The following RYR1 variants were observed in gnomAD, a reference collection of about 807,000 sequenced individuals.
RYR1 encodes the protein ryanodine receptor 1.
A neutral mutation model predicts 583.5 loss-of-function variants in RYR1; 342 were observed. The observed-to-expected ratio is 0.59, with a 90% CI of 0.54 to 0.64. RYR1 has a LOEUF of 0.64. Among genes scored for constraint, RYR1 ranks in the 30% least tolerant of loss-of-function variants. The probability of loss-of-function intolerance (pLI) is 0.00; values close to 1 mark genes in which losing one functional copy is unlikely to be tolerated. For missense variants in RYR1, 6,032 were observed against 6,917.2 expected, an observed-to-expected ratio of 0.87 and a Z score of 4.54; for synonymous variants, 2,791 against 2,822.5, an observed-to-expected ratio of 0.99 and a Z score of 0.35.
Position 38,458,236 on chromosome 19 carries a change from A to G in RYR1, c.2111A>G (p.Asn704Ser), listed in dbSNP as rs747125357. 3.1e-6 allele frequency: 5 copies of G among 1,613,898 alleles called. No homozygotes were observed. The highest frequency in any genetic ancestry group is 4.2e-6 in the Non-Finnish European group (5 of 1,180,004). Residue 704 changes from asparagine to serine, a missense_variant, in exon 18 of 106, where the codon AAC (asparagine) becomes AGC (serine). This residue lies in a region of RYR1 where 2,627 missense variants were observed against 2,961.3 expected (regional missense o/e 0.89). Transcript: ENST00000359596. ...YPGAGEGWGG[N>S]GVGDDLYSYG... ...GGGGCCGGCGAGGGCTGGGGCGGCA[A>G]CGGGGTCGGCGATGACCTCTATTCC...
chr19:38,536,369 C>G (rs1206094212), intron 82 of RYR1, among the ~76,000 whole-genome samples: 1 of 150,528 alleles, frequency 6.6e-6, no homozygotes, highest in Non-Finnish European at 1.5e-5. Flanking sequence ...AAATGTCACG[C>G]CCTGGTTGCT....
chr19:38,435,918 A>T (rs559209373), intron 1 of RYR1, among the ~76,000 whole-genome samples: 4 of 152,026 alleles, frequency 2.6e-5, no homozygotes, highest in South Asian at 2.1e-4. Flanking sequence ...TTATTTATTT[A>T]TTTTTTTGAG....
At chr19:38,519,570 C>A in intron 67 of RYR1, 116 bp downstream of exon 67, 1 of 1,218,020 alleles carries the variant, frequency 8.2e-7, no homozygotes. Context: ...CTGGCCCCAC[C>A]AACCTTCTGA....
chr19:38,499,806 A>G lies in RYR1; in HGVS notation c.7199A>G (p.Asp2400Gly), dbSNP rs976108591. 1.3e-5 allele frequency: 21 copies of G among 1,605,124 alleles called. No homozygotes were observed. The highest frequency in any genetic ancestry group is 2.7e-5 in the African/African-American group (2 of 74,798). ...AGGGATGGCCCAGGCATCCGCAGGG[A>G]CCGGCGGCGCGAGCAGTGAGTCTCC... ...PARDGPGIRR[D>G]RRREHFGEEP... Residue 2400 changes from aspartate (D) to glycine (G), a missense_variant, in exon 44 of 106, where the codon GAC becomes GGC. Asp to Gly is a moderately conservative substitution (Grantham distance 94, BLOSUM62 -1). Transcript: ENST00000359596. This position sits in a 1 kb window ranked among gnomAD's most constrained non-coding sequence, Gnocchi z 7.3.
At position 38,560,757 on chromosome 19, in the gene RYR1, G is replaced by A. The variant is rs1257607871; in HGVS notation, c.12283-356G>A. ...AAAAAAAAAAAAAAAAAAAGAGAAA[G>A]AAAAAGAAAAAAAAGCAAGTTTCAG... On this transcript the variant is annotated intron_variant, in intron 89 of 105. Coordinates refer to ENST00000359596, the MANE Select transcript of RYR1 (RefSeq NM_000540.3). Among the ~76,000 whole-genome samples, 20 of 139,304 alleles carry A rather than the reference G, an allele frequency of 1.4e-4. No homozygotes were observed. In the East Asian group the frequency reaches 2.1e-3, roughly 15 times the overall value. The allele number at this position is 139,304 out of a possible 152,430, so 91.4% of individuals were successfully genotyped here.
chr19:38,505,324 T>G lies in RYR1; in HGVS notation c.8326T>G (p.Ser2776Ala), dbSNP rs1266636239. ...CCATCTCTAGATCCAGAACAACTGG[T>G]CCTATGGAGAGAACATAGACGAGGA... ...WAFDKIQNNWSYGENIDEELK... is the reference protein window; with the variant it reads ...WAFDKIQNNWAYGENIDEELK... Residue 2776 changes from serine to alanine, a missense_variant, in exon 53 of 106, where the codon TCC becomes GCC. Physicochemically the swap from Ser to Ala is moderately conservative, Grantham distance 99 (BLOSUM62 1). This residue lies in a region of RYR1 where 1,493 missense variants were observed against 1,715.5 expected (regional missense o/e 0.87). Transcript: ENST00000359596. 1.9e-6 allele frequency: 3 copies of G among 1,611,346 alleles called. No individual in the cohort carries two copies. The South Asian group carries it at 3.3e-5, about 18-fold the overall frequency.
At chr19:38,553,709 G>C (rs1192616550) in intron 89 of RYR1, among the ~76,000 whole-genome samples, 2 of 152,108 alleles carry the variant, frequency 1.3e-5, no homozygotes, top group Non-Finnish European at 2.9e-5. Flanking sequence ...TCTTACTCCT[G>C]CTCTTTTCCA....
At position 38,496,569 on chromosome 19, in the gene RYR1, C is replaced by T; in HGVS notation, c.6796+28C>T. On this transcript the variant is annotated intron_variant, in intron 41 of 105. Transcript: ENST00000359596. The surrounding 1 kb of genome is among the most constrained non-coding windows in gnomAD (Gnocchi z 4.8). ...GAGAACCCCCGAGCCCAGGGGCTGTCCCCCAGAACCCACTCCTGGCACCCC... is the reference window on the plus strand; with the variant it reads ...GAGAACCCCCGAGCCCAGGGGCTGTTCCCCAGAACCCACTCCTGGCACCCC... 6.2e-7 allele frequency: 1 copy of T among 1,612,578 alleles called. No individual in the cohort carries two copies. The highest frequency in any genetic ancestry group is 8.5e-7 in the Non-Finnish European group (1 of 1,179,936).
At chr19:38,462,316 A>G (rs567161391) in intron 20 of RYR1, among the ~76,000 whole-genome samples, 1 of 152,264 alleles carries the variant, frequency 6.6e-6, no homozygotes, top group South Asian at 2.1e-4. Context: ...TCCAGTCCTG[A>G]TTAAACAGTA....
In RYR1 at chr19:38,483,502, C is replaced by A; in HGVS notation, c.4920C>A (p.Ile1640=). The A allele has an allele frequency of 1.3e-6, 2 of 1,551,178 alleles. No homozygotes were observed. The highest frequency in any genetic ancestry group is 1.7e-6 in the Non-Finnish European group (2 of 1,152,042). The change falls in exon 33 of 106, where the codon ATC becomes ATA. Residue 1640 remains isoleucine, a synonymous_variant. Transcript: ENST00000359596. This position sits in a 1 kb window ranked among gnomAD's most constrained non-coding sequence, Gnocchi z 6.3. ...QEPLTMMALH[I]PEENRCMDIL... is the part of the protein sequence containing the mutation. ...CGCTGACCATGATGGCGCTGCACAT[C>A]CCCGAGGAGAACCGGTCAGGGCCAG...
At chr19:38,461,498 A>T (rs1967741224) in intron 20 of RYR1, among the ~76,000 whole-genome samples, 1 of 151,974 alleles carries the variant, frequency 6.6e-6, no homozygotes, top group Non-Finnish European at 1.5e-5. Flanking sequence ...TGAGAGGCCG[A>T]GGCAGGATTG....
intron 97 of RYR1, 112 bp from the exon 98 acceptor site, chr19:38,577,806 G>A: frequency 7.2e-7 from 1 of 1,380,266 alleles, no homozygotes; most frequent in Non-Finnish European, 9.9e-7. Context: ...AAAAAAAAAT[G>A]CACCTCCCAT....
Position 38,460,472 on chromosome 19 carries a change from C to T in RYR1, c.2458C>T (p.Leu820Phe), listed in dbSNP as rs762728679. The T allele has an allele frequency of 6.2e-7, 1 of 1,614,256 alleles. No individual in the cohort carries two copies. Among genetic ancestry groups the T allele is most frequent in the East Asian group, 2.2e-5 (1 of 44,886 alleles). ...TGAGGCTGTGCTCCCTCGAGAGCGA[C>T]TCCATCTTGAACCCATCAAGGAGTA... ...CHEAVLPRER[L>F]HLEPIKEYRR... Residue 820 changes from leucine to phenylalanine, a missense_variant, in exon 20 of 106, where the codon CTC becomes TTC. By Grantham distance (22) the Leu-to-Phe change is conservative. Transcript: ENST00000359596.
At chr19:38,563,845 G>A (rs1326711717) in intron 90 of RYR1, among the ~76,000 whole-genome samples, 1 of 152,192 alleles carries the variant, frequency 6.6e-6, no homozygotes, top group Non-Finnish European at 1.5e-5. Context: ...GCTCTCTGGG[G>A]GTTCGAATCC....
At chr19:38,462,805 G>C (rs957135818) in intron 20 of RYR1, among the ~76,000 whole-genome samples, 1 of 152,014 alleles carries the variant, frequency 6.6e-6, no homozygotes, top group Non-Finnish European at 1.5e-5. Flanking sequence ...GTGGAGACCA[G>C]GGCAGCCCCA....
intron 82 of RYR1, among the ~76,000 whole-genome samples, chr19:38,536,414 G>A (rs1020507529): frequency 4.0e-5 from 6 of 150,948 alleles, no homozygotes; most frequent in Non-Finnish European, 7.4e-5. Flanking sequence ...CGGGTTAATC[G>A]CGTCTCCTCT....
At chr19:38,556,583 T>A (rs948240422) in intron 89 of RYR1, among the ~76,000 whole-genome samples, 3 of 151,952 alleles carry the variant, frequency 2.0e-5, no homozygotes, top group African/African-American at 2.4e-5. Flanking sequence ...AGAGATGGGG[T>A]CTTGCCATGT....
chr19:38,494,742 C>T, intron 39 of RYR1, 117 bp downstream of exon 39: 2 of 1,310,666 alleles, frequency 1.5e-6, no homozygotes, highest in Non-Finnish European at 2.2e-6. Flanking sequence ...ATCTCAGTCT[C>T]TCGATGGCTA....
intron 71 of RYR1, among the ~76,000 whole-genome samples, chr19:38,525,945 G>A (rs1401905786): frequency 6.6e-6 from 1 of 151,718 alleles, no homozygotes; most frequent in African/African-American, 2.4e-5. Flanking sequence ...TTCCCTCCCT[G>A]CCAAGACTGA....
Sources: allele counts gnomAD v4.1 joint callset (sites outside exome capture counted in the v4.1 genomes callset), GRCh38; gene constraint gnomAD v4.1.1; regional missense constraint gnomAD v4.1.1; non-coding constraint Gnocchi (gnomAD v3.1); transcripts MANE v1.5; gene names NCBI Gene and HGNC (gene_info 2026-07-23, HGNC 2026-07-21).